KCNMA1: variants seen among roughly 807,000 people sequenced by gnomAD.
The protein encoded by KCNMA1 is Calcium-activated potassium channel subunit alpha-1.
KCNMA1 carries 29 observed loss-of-function variants against 140.0 expected under a neutral mutation model. The ratio of observed to expected loss-of-function variants is 0.21; its 90% CI spans 0.15 to 0.28. The LOEUF (loss-of-function observed/expected upper bound fraction) is 0.28. KCNMA1 is among the 10% of genes least tolerant of loss of function. The probability of loss-of-function intolerance (pLI) is 1.00; values close to 1 mark genes in which losing one functional copy is unlikely to be tolerated. For synonymous variants in KCNMA1, 612 were observed against 611.9 expected (o/e 1.00, Z 0.00); for missense variants, 880 against 1,602.2 (o/e 0.55, Z 7.70).
chr10:77,518,523 G>C (rs2051467368), intron 1 of KCNMA1, among the ~76,000 whole-genome samples: 1 of 152,176 alleles, frequency 6.6e-6, no homozygotes, highest in African/African-American at 2.4e-5. Flanking sequence ...TCTAGGGGCT[G>C]CTCAGAAATC....
chr10:77,412,300 C>T lies in KCNMA1; in HGVS notation c.379-8277G>A, dbSNP rs145115359. Among the ~76,000 whole-genome samples the T allele has an allele frequency of 5.3e-5, 8 of 152,316 alleles. No individual in the cohort carries two copies. The East Asian group carries it at 1.2e-3, about 22-fold the overall frequency. ...CATCAGAAGGCCATTTCCCCTGAGC[C>T]TTCATTGATGGACTGCGCTCTGAGT... On this transcript the variant is annotated intron_variant, in intron 1 of 27. Transcript: ENST00000286628.
intron 1 of KCNMA1, among the ~76,000 whole-genome samples, chr10:77,428,055 G>A (rs1369459213): frequency 6.6e-6 from 1 of 152,102 alleles, no homozygotes; most frequent in Admixed American, 6.6e-5. Flanking sequence ...CCAGCTCTAA[G>A]CATCCTTTTG....
chr10:77,512,352 T>G (rs1193799849), intron 1 of KCNMA1, among the ~76,000 whole-genome samples: 1 of 152,246 alleles, frequency 6.6e-6, no homozygotes, highest in Non-Finnish European at 1.5e-5. Context: ...GAGGAATTTT[T>G]GTGCTCTGTA....
In KCNMA1 at chr10:77,001,003, C is replaced by T. The variant is rs1246813546; in HGVS notation, c.2266+404G>A. Among the ~76,000 whole-genome samples, 5 of 151,338 alleles carry T rather than the reference C, an allele frequency of 3.3e-5. No homozygotes were observed. The East Asian group carries it at 9.8e-4, about 30-fold the overall frequency. Reference sequence around the variant, plus strand: ...CTAGAGCTGGCTTGTTCTCGCTACACCCTTTCCTTCCTCCCTTTGATACAA... The same window carrying T: ...CTAGAGCTGGCTTGTTCTCGCTACATCCTTTCCTTCCTCCCTTTGATACAA... On this transcript the variant is annotated intron_variant, in intron 19 of 27. Transcript: ENST00000286628.
chr10:77,340,233 G>C (rs762480538), intron 2 of KCNMA1, among the ~76,000 whole-genome samples: 3 of 152,210 alleles, frequency 2.0e-5, no homozygotes, highest in Non-Finnish European at 4.4e-5. Flanking sequence ...AGAGGATGTG[G>C]AGAAATAGGA....
At chr10:77,139,726 A>T (rs540756309) in intron 5 of KCNMA1, among the ~76,000 whole-genome samples, 1 of 152,208 alleles carries the variant, frequency 6.6e-6, no homozygotes, top group Non-Finnish European at 1.5e-5. Flanking sequence ...GGATGCCTAA[A>T]TAAAGCCAAA....
chr10:77,333,617 G>C (rs2087571334), intron 2 of KCNMA1, among the ~76,000 whole-genome samples: 1 of 152,124 alleles, frequency 6.6e-6, no homozygotes, highest in Admixed American at 6.5e-5. Context: ...CTCATTCTGG[G>C]CTCAAAATAA....
chr10:77,124,256 C>T (rs551413666), intron 5 of KCNMA1, among the ~76,000 whole-genome samples: 15 of 152,252 alleles, frequency 9.9e-5, no homozygotes, highest in Admixed American at 8.5e-4. Context: ...TATCTTTAAA[C>T]GATGGTGTTT....
At chr10:77,609,032 T>G (rs184920642) in intron 1 of KCNMA1, among the ~76,000 whole-genome samples, 1 of 152,182 alleles carries the variant, frequency 6.6e-6, no homozygotes, top group Non-Finnish European at 1.5e-5. Flanking sequence ...GAAAACAGTA[T>G]GGAGGTTCCT....
At chr10:77,476,946 C>G (rs759819270) in intron 1 of KCNMA1, among the ~76,000 whole-genome samples, 4 of 152,204 alleles carry the variant, frequency 2.6e-5, no homozygotes, top group Non-Finnish European at 5.9e-5. Context: ...TAAGACACGA[C>G]CCTACCCTCC....
In KCNMA1 at chr10:76,885,146, T is replaced by G; in HGVS notation, c.*2120A>C. On this transcript the variant is annotated 3_prime_UTR_variant, in exon 28 of 28. Transcript: ENST00000286628. ...TGAGGGCGTAACTTTATAACCTCCT[T>G]TGCAAAGAATGCATGAAGAGCTCTT... The G allele has an allele frequency of 1.5e-6, 2 of 1,378,060 alleles. No individual in the cohort carries two copies. The allele number at this position is 1,378,060 out of a possible 1,614,324, so 85.4% of individuals were successfully genotyped here.
At chr10:76,897,559 G>A (rs182089745) in intron 25 of KCNMA1, among the ~76,000 whole-genome samples, 25 of 151,964 alleles carry the variant, frequency 1.6e-4, no homozygotes, top group Admixed American at 2.0e-4. Flanking sequence ...GACTCTTTGC[G>A]TACATAAGCA....
At chr10:77,110,660 C>G (rs546912951) in intron 7 of KCNMA1, among the ~76,000 whole-genome samples, 1 of 152,206 alleles carries the variant, frequency 6.6e-6, no homozygotes, top group Non-Finnish European at 1.5e-5. Flanking sequence ...AAATTCAGGG[C>G]ATTGCCTCTG....
At chr10:77,526,845 C>G (rs1051247660) in intron 1 of KCNMA1, among the ~76,000 whole-genome samples, 19 of 152,066 alleles carry the variant, frequency 1.2e-4, no homozygotes, top group Admixed American at 1.2e-3. Context: ...TCTCTTCCCC[C>G]TCTCCAACTT....
intron 2 of KCNMA1, among the ~76,000 whole-genome samples, chr10:77,382,988 GTGTGTGTATATATATATATATATATA>G (rs1331067205): frequency 2.2e-5 from 1 of 44,960 alleles, no homozygotes; most frequent in African/African-American, 1.4e-4. Context: ...GTGTGTGTGT[GTGTGTGTATATATATATATATATATA>G]TATATATATA....
chr10:76,948,559 T>C (rs1462425816), intron 22 of KCNMA1, among the ~76,000 whole-genome samples: 2 of 152,178 alleles, frequency 1.3e-5, no homozygotes, highest in Non-Finnish European at 2.9e-5. Flanking sequence ...CCTAATGTTT[T>C]GCAGTCAAGA....
chr10:77,439,677 G>C, intron 1 of KCNMA1, among the ~76,000 whole-genome samples: 1 of 152,176 alleles, frequency 6.6e-6, no homozygotes, highest in Middle Eastern at 3.2e-3. Context: ...ACTCGGAAAA[G>C]GGCAGCGGTA....
chr10:77,438,006 T>C (rs922055018), intron 1 of KCNMA1, among the ~76,000 whole-genome samples: 4 of 152,156 alleles, frequency 2.6e-5, no homozygotes, highest in Admixed American at 2.0e-4. Flanking sequence ...CTGGGCCCCA[T>C]GCTGCCAGTG....
chr10:77,397,708 C>T lies in KCNMA1; in HGVS notation c.540+6154G>A, dbSNP rs78854283. Among the ~76,000 whole-genome samples, 18 of 152,208 alleles carry T rather than the reference C, an allele frequency of 1.2e-4. 1 individual carries two copies. The East Asian group carries it at 3.5e-3, about 29-fold the overall frequency. On this transcript the variant is annotated intron_variant, in intron 2 of 27. Transcript: ENST00000286628. ...GTGAAGTCTGGGCTTTTAGTGTAAC[C>T]GTCATCCAAATAGCGTGCATTGCAA...
Sources: gnomAD v4.1 joint callset for allele counts (sites outside exome capture counted in the v4.1 genomes callset) on GRCh38, gnomAD v4.1.1 for gene constraint, MANE v1.5 for transcripts, NCBI Gene and HGNC (gene_info 2026-07-23, HGNC 2026-07-21) for gene names.